The following SORCS3 variants were observed in gnomAD, a reference collection of about 807,000 sequenced individuals.
SORCS3 encodes the protein sortilin related VPS10 domain containing receptor 3, also known as VPS10 domain-containing receptor SorCS3.
In SORCS3, 57 loss-of-function variants were observed where a neutral mutation model predicts 146.3. The ratio of observed to expected loss-of-function variants is 0.39; its 90% confidence interval spans 0.31 to 0.49. SORCS3 has a LOEUF of 0.49. Ranked by LOEUF, SORCS3 falls within the 20% of genes least tolerant of loss-of-function variation. The pLI is 0.92. For synonymous variants in SORCS3, 653 were observed against 618.5 expected, an observed-to-expected ratio of 1.06 and a Z score of -0.83; for missense variants, 1,341 against 1,575.5, an observed-to-expected ratio of 0.85 and a Z score of 2.52.
At chr10:105,227,030 TA>T (rs1329924264) in intron 20 of SORCS3, among the ~76,000 whole-genome samples, 5 of 151,990 alleles carry the variant, frequency 3.3e-5, no homozygotes, top group Non-Finnish European at 5.9e-5. Context: ...TCTTTTGTAT[TA>T]TTTTTTTAGT....
chr10:105,221,266 C>G (rs139335816), intron 19 of SORCS3, among the ~76,000 whole-genome samples: 113 of 152,198 alleles, frequency 7.4e-4, no homozygotes, highest in African/African-American at 2.7e-3. Context: ...CAGTCACTGT[C>G]CAAACACTTT....
At chr10:105,245,779 C>A (rs2056862561) in intron 21 of SORCS3, 114 bp downstream of exon 21, 1 of 1,304,520 alleles carries the variant, frequency 7.7e-7, no homozygotes, top group Admixed American at 2.5e-5. Context: ...GGGAAAATTA[C>A]ATAGGTCAAC....
At chr10:104,644,261 C>T (rs1285992889) in intron 1 of SORCS3, among the ~76,000 whole-genome samples, 6 of 152,262 alleles carry the variant, frequency 3.9e-5, no homozygotes, top group East Asian at 3.8e-4. Context: ...TGTAGGGCCA[C>T]GCACTGTCCT....
chr10:105,164,770 C>T (rs952296999), intron 12 of SORCS3, among the ~76,000 whole-genome samples: 1 of 152,054 alleles, frequency 6.6e-6, no homozygotes, highest in African/African-American at 2.4e-5. Context: ...CTACAAAATG[C>T]AAGGATTGGA....
intron 1 of SORCS3, among the ~76,000 whole-genome samples, chr10:104,803,934 G>A (rs973259149): frequency 1.3e-5 from 2 of 152,132 alleles, no homozygotes; most frequent in African/African-American, 4.8e-5. Flanking sequence ...GCTGTTTCAA[G>A]CTCCAGAGAA....
At chr10:105,177,152 G>A (rs1209117079) in intron 13 of SORCS3, among the ~76,000 whole-genome samples, 1 of 152,070 alleles carries the variant, frequency 6.6e-6, no homozygotes, top group African/African-American at 2.4e-5. Context: ...CACTATGATA[G>A]GAGAAGGCCT....
chr10:104,743,526 T>TG (rs1340496410), intron 1 of SORCS3, among the ~76,000 whole-genome samples: 1 of 152,114 alleles, frequency 6.6e-6, no homozygotes, highest in Non-Finnish European at 1.5e-5. Flanking sequence ...TAGAAGGCAG[T>TG]GGGGGAGATG....
chr10:105,052,043 A>G (rs188753470), intron 5 of SORCS3, among the ~76,000 whole-genome samples: 19 of 152,256 alleles, frequency 1.2e-4, no homozygotes, highest in African/African-American at 3.8e-4. Flanking sequence ...GTAGTTAGCC[A>G]TGGCACTGAG....
At chr10:105,104,423 C>A (rs1324723740) in intron 6 of SORCS3, among the ~76,000 whole-genome samples, 2 of 152,146 alleles carry the variant, frequency 1.3e-5, no homozygotes, top group African/African-American at 4.8e-5. Context: ...ACCTTCTAGT[C>A]ATAATCAGAA....
chr10:104,743,300 C>T (rs1289562494), intron 1 of SORCS3, among the ~76,000 whole-genome samples: 3 of 152,172 alleles, frequency 2.0e-5, no homozygotes, highest in East Asian at 3.9e-4. Context: ...TCTGCCATAG[C>T]GGGGTGAAGT....
chr10:104,659,685 C>T (rs1373089277), intron 1 of SORCS3, among the ~76,000 whole-genome samples: 1 of 152,118 alleles, frequency 6.6e-6, no homozygotes, highest in Non-Finnish European at 1.5e-5. Context: ...AGGATATAAT[C>T]CCATTTTGCC....
intron 2 of SORCS3, among the ~76,000 whole-genome samples, chr10:104,867,104 G>T (rs572709399): frequency 6.6e-6 from 1 of 152,166 alleles, no homozygotes; most frequent in African/African-American, 2.4e-5. Context: ...AGACTAATGG[G>T]GACAACAGAC....
chr10:104,662,207 T>G (rs2015711728), intron 1 of SORCS3, among the ~76,000 whole-genome samples: 1 of 152,210 alleles, frequency 6.6e-6, no homozygotes, highest in African/African-American at 2.4e-5. Flanking sequence ...GCGGATAGGC[T>G]GAGAGTATCA....
intron 4 of SORCS3, among the ~76,000 whole-genome samples, chr10:105,005,758 A>T (rs1029727313): frequency 2.6e-5 from 4 of 152,124 alleles, no homozygotes; most frequent in African/African-American, 9.7e-5. Flanking sequence ...GCTCTCAGTT[A>T]TACCACTTAT....
At chr10:105,047,976 A>G (rs1315581208) in intron 5 of SORCS3, among the ~76,000 whole-genome samples, 1 of 152,146 alleles carries the variant, frequency 6.6e-6, no homozygotes, top group African/African-American at 2.4e-5. Context: ...AATCAAAACC[A>G]CAATGAGATA....
chr10:104,843,064 A>G (rs961916235), intron 2 of SORCS3, among the ~76,000 whole-genome samples: 7 of 152,134 alleles, frequency 4.6e-5, no homozygotes, highest in African/African-American at 1.7e-4. Context: ...CCTGTTGCAA[A>G]TACACCTTGG....
intron 1 of SORCS3, among the ~76,000 whole-genome samples, chr10:104,746,931 C>T (rs2016918095): frequency 6.6e-6 from 1 of 152,190 alleles, no homozygotes; most frequent in African/African-American, 2.4e-5. Flanking sequence ...ATTTAATCTT[C>T]AGAATGACTA....
chr10:104,679,003 T>C (rs558071149), intron 1 of SORCS3, among the ~76,000 whole-genome samples: 4 of 152,240 alleles, frequency 2.6e-5, no homozygotes, highest in South Asian at 2.1e-4. Context: ...TTCTAAACAT[T>C]TGAAGGGCTT....
At chr10:105,153,268 C>T (rs947910906) in intron 9 of SORCS3, among the ~76,000 whole-genome samples, 1 of 152,004 alleles carries the variant, frequency 6.6e-6, no homozygotes, top group East Asian at 1.9e-4. Context: ...ATTTGAGATT[C>T]ACCCACATTG....
Sources: allele counts gnomAD v4.1 joint callset (sites outside exome capture counted in the v4.1 genomes callset), GRCh38; gene constraint gnomAD v4.1.1; transcripts MANE v1.5; gene names NCBI Gene and HGNC (gene_info 2026-07-23, HGNC 2026-07-21).